The following GRAMD4 variants were observed in gnomAD, a reference collection of about 807,000 sequenced individuals.
GRAMD4 encodes GRAM domain-containing protein 4.
A neutral mutation model predicts 83.9 loss-of-function variants in GRAMD4; 25 were observed. The observed-to-expected ratio is 0.30, with a 90% CI of 0.22 to 0.42. The LOEUF is 0.42. Among genes scored for constraint, GRAMD4 ranks in the 10% least tolerant of loss-of-function variants. The probability of loss-of-function intolerance (pLI) is 1.00; values close to 1 mark genes in which losing one functional copy is unlikely to be tolerated. For synonymous variants in GRAMD4, 336 were observed against 320.9 expected (o/e 1.05, Z -0.50); for missense variants, 593 against 788.7 (o/e 0.75, Z 2.97).
At chr22:46,673,030 G>A (rs748627993) in intron 14 of GRAMD4, 33 bp downstream of exon 14, 9 of 1,511,888 alleles carry the variant, frequency 6.0e-6, no homozygotes, top group African/African-American at 2.9e-5. Flanking sequence ...GGGATGGGGG[G>A]ATGGGGGGCC....
chr22:46,580,364 G>A (rs566745645), intron 1 of GRAMD4, among the ~76,000 whole-genome samples: 10 of 152,360 alleles, frequency 6.6e-5, no homozygotes, highest in Admixed American at 2.0e-4. Flanking sequence ...ACCACGGTGG[G>A]TTTAGATCTG....
At chr22:46,670,741 G>A (rs1202525349) in intron 13 of GRAMD4, among the ~76,000 whole-genome samples, 4 of 152,172 alleles carry the variant, frequency 2.6e-5, no homozygotes, top group Non-Finnish European at 5.9e-5. Context: ...GAGTAGCTGG[G>A]ATTACAGGGG....
intron 1 of GRAMD4, among the ~76,000 whole-genome samples, chr22:46,595,981 G>A (rs769277873): frequency 5.3e-5 from 8 of 152,032 alleles, no homozygotes; most frequent in Non-Finnish European, 1.0e-4. Flanking sequence ...CTATCCTGGT[G>A]GGACAAGCAC....
upstream of GRAMD4, among the ~76,000 whole-genome samples, chr22:46,619,526 G>A (rs1238031552): frequency 1.3e-5 from 2 of 152,250 alleles, no homozygotes; most frequent in East Asian, 3.9e-4. Flanking sequence ...CACTTTCTGT[G>A]TCACTGCATT....
At chr22:46,594,179 C>T (rs1178450882) in intron 1 of GRAMD4, among the ~76,000 whole-genome samples, 1 of 151,800 alleles carries the variant, frequency 6.6e-6, no homozygotes, top group African/African-American at 2.4e-5. Context: ...GCCCCACGCC[C>T]GGCTCCTGCC....
chr22:46,648,198 A>G (rs1346934740), intron 3 of GRAMD4, among the ~76,000 whole-genome samples: 2 of 150,950 alleles, frequency 1.3e-5, no homozygotes, highest in African/African-American at 4.8e-5. Context: ...GGACATGTAG[A>G]TGGATGGATG....
intron 2 of GRAMD4, 137 bp downstream of exon 2, chr22:46,627,098 C>T (rs542869127): frequency 7.7e-6 from 5 of 647,008 alleles, no homozygotes; most frequent in South Asian, 1.8e-5. Flanking sequence ...CTCTCTGTCT[C>T]ACCTGCTCCC....
chr22:46,587,963 G>A lies in GRAMD4; in HGVS notation c.-50+10673G>A, dbSNP rs541741158. 1.3e-4 allele frequency: 125 copies of A among 985,126 alleles called. No homozygotes were observed. In the African/African-American group the frequency reaches 1.9e-3, roughly 15 times the overall value. The allele number at this position is 985,126 out of a possible 1,614,324, so 61.0% of individuals were successfully genotyped here. On this transcript the variant is annotated intron_variant, in intron 1 of 1. Transcript: ENST00000431155. The stretch of plus-strand genomic sequence containing the variant: ...ATCACAGGTTGGCAAAAGGCCTGAG[G>A]GTCCAGGGGGCCAGGGCCTGGTCAG...
At chr22:46,662,610 T>C (rs1344978698) in intron 5 of GRAMD4, among the ~76,000 whole-genome samples, 1 of 152,176 alleles carries the variant, frequency 6.6e-6, no homozygotes. Context: ...GCTCAGGATA[T>C]GCAGGGCTGG....
chr22:46,587,509 T>G, intron 1 of GRAMD4, among the ~76,000 whole-genome samples: 1 of 151,300 alleles, frequency 6.6e-6, no homozygotes, highest in African/African-American at 2.4e-5. Context: ...GCCCTTCTCT[T>G]CCAACTAGGG....
intron 1 of GRAMD4, among the ~76,000 whole-genome samples, chr22:46,601,394 T>A (rs1274692082): frequency 6.6e-6 from 1 of 152,178 alleles, no homozygotes; most frequent in Non-Finnish European, 1.5e-5. Flanking sequence ...GGCCACACTT[T>A]GAGAACCTCT....
At chr22:46,585,961 G>A (rs531332722) in intron 1 of GRAMD4, among the ~76,000 whole-genome samples, 5 of 152,298 alleles carry the variant, frequency 3.3e-5, no homozygotes, top group African/African-American at 7.2e-5. Context: ...CGTCTTGGGT[G>A]CAGTGGGATA....
chr22:46,589,647 G>A (rs1041017679), intron 1 of GRAMD4, among the ~76,000 whole-genome samples: 1 of 152,122 alleles, frequency 6.6e-6, no homozygotes, highest in Admixed American at 6.5e-5. Context: ...TGCCTGCAGG[G>A]CCCATGCCCT....
chr22:46,679,477 G>T lies in GRAMD4; in HGVS notation c.*2226G>T. The T allele has an allele frequency of 1.0e-6, 1 of 985,488 alleles. No individual in the cohort carries two copies. Among genetic ancestry groups the T allele is most frequent in the Non-Finnish European group, 1.2e-6 (1 of 829,836 alleles). The allele number at this position is 985,488 out of a possible 1,614,324, so 61.0% of individuals were successfully genotyped here. On this transcript the variant is annotated 3_prime_UTR_variant, in exon 19 of 19. Coordinates refer to ENST00000406902, the MANE Select transcript of GRAMD4 (RefSeq NM_015124.5). ...GGAGCGCGGATCGGCACGGGCTCTG[G>T]GCTCCCCGTGGAGAGAAGCTGTAGT...
intron 3 of GRAMD4, among the ~76,000 whole-genome samples, chr22:46,649,723 G>A (rs528057477): frequency 5.3e-5 from 8 of 152,338 alleles, no homozygotes; most frequent in African/African-American, 1.7e-4. Flanking sequence ...CATTATCTCT[G>A]CACATAGCGG....
At chr22:46,680,599 C>T (rs1601700448), downstream of GRAMD4, among the ~76,000 whole-genome samples, 1 of 145,230 alleles carries the variant, frequency 6.9e-6, no homozygotes, top group Non-Finnish European at 1.5e-5. Context: ...TCCATCCACC[C>T]ACCCATTCAT....
rs183935384 is a variant in GRAMD4 at position 46,590,203 on chromosome 22, C to T, written c.-50+12913C>T. Among the ~76,000 whole-genome samples, 524 of 152,338 alleles carry T rather than the reference C, an allele frequency of 3.4e-3. 5 individuals carry two copies. Among genetic ancestry groups the T allele is most frequent in the African/African-American group, 0.012 (496 of 41,576 alleles). On this transcript the variant is annotated intron_variant, in intron 1 of 1. Transcript: ENST00000431155. The stretch of plus-strand genomic sequence containing the variant: ...CTGGACAGCCCTGTGCCCTGCGTGC[C>T]TCCTGCGTCCAGAGGGGCGGAGCTG...
chr22:46,646,474 G>A (rs977954013), intron 3 of GRAMD4, among the ~76,000 whole-genome samples: 9 of 152,182 alleles, frequency 5.9e-5, no homozygotes, highest in South Asian at 2.1e-4. Flanking sequence ...GTCCTGGAGC[G>A]GAAGGGAAGT....
chr22:46,616,101 C>G (rs2081486440), upstream of GRAMD4, among the ~76,000 whole-genome samples: 1 of 134,540 alleles, frequency 7.4e-6, no homozygotes, highest in Non-Finnish European at 1.6e-5. Flanking sequence ...TAGGTTCCCC[C>G]TTGTGTAGGT....
Sources: gnomAD v4.1 joint callset for allele counts (sites outside exome capture counted in the v4.1 genomes callset) on GRCh38, gnomAD v4.1.1 for gene constraint, MANE v1.5 for transcripts, NCBI Gene and HGNC (gene_info 2026-07-23, HGNC 2026-07-21) for gene names.